MICAL3: variants seen among roughly 807,000 people sequenced by gnomAD.
The protein encoded by MICAL3 is microtubule associated monooxygenase, calponin and LIM domain containing 3.
Under a neutral mutation model 207.4 loss-of-function variants are expected in MICAL3, and 62 were observed. The observed-to-expected ratio is 0.30, with a 90% CI of 0.24 to 0.37. MICAL3 has a LOEUF of 0.37. MICAL3 is among the 10% of genes least tolerant of loss of function. The probability of loss-of-function intolerance (pLI) is 1.00; values close to 1 mark genes in which losing one functional copy is unlikely to be tolerated. For missense variants in MICAL3, 2,368 were observed against 2,635.6 expected (o/e 0.90, Z 2.22); for synonymous variants, 1,077 against 1,069.3 (o/e 1.01, Z -0.14).
intron 29 of MICAL3, among the ~76,000 whole-genome samples, chr22:17,801,584 A>T (rs2061939923): frequency 6.6e-6 from 1 of 152,010 alleles, no homozygotes; most frequent in South Asian, 2.1e-4. Flanking sequence ...CACTCGAGCA[A>T]GGGCGGGTAA....
At chr22:17,862,394 A>G in intron 19 of MICAL3, 1 of 483,460 alleles carries the variant, frequency 2.1e-6, no homozygotes, top group Non-Finnish European at 2.7e-6. Flanking sequence ...AGCTGGGACT[A>G]CAGGCATCCG....
chr22:17,799,875 C>T (rs184227299), intron 29 of MICAL3, among the ~76,000 whole-genome samples: 2 of 152,042 alleles, frequency 1.3e-5, no homozygotes, highest in East Asian at 3.9e-4. Flanking sequence ...AAAAACCAAA[C>T]AAATGCATGT....
chr22:17,797,905 G>C (rs2061894193), intron 29 of MICAL3, among the ~76,000 whole-genome samples: 1 of 152,238 alleles, frequency 6.6e-6, no homozygotes, highest in South Asian at 2.1e-4. Context: ...CCGGGGACCT[G>C]CCTCATCTTG....
At chr22:17,802,376 G>A (rs535565848) in intron 29 of MICAL3, among the ~76,000 whole-genome samples, 4 of 152,170 alleles carry the variant, frequency 2.6e-5, no homozygotes, top group African/African-American at 9.7e-5. Context: ...AATTCACTTA[G>A]AATAGACATA....
At chr22:17,831,074 G>A (rs375660410) in intron 21 of MICAL3, among the ~76,000 whole-genome samples, 14 of 152,324 alleles carry the variant, frequency 9.2e-5, no homozygotes, top group South Asian at 2.1e-4. Context: ...TCCTCTGACC[G>A]CTGCAGGGAG....
chr22:17,820,142 CAAA>C (rs35565268), intron 25 of MICAL3, among the ~76,000 whole-genome samples: 6 of 120,096 alleles, frequency 5.0e-5, no homozygotes, highest in Admixed American at 8.8e-5. Flanking sequence ...GACCCTGTCT[CAAA>C]AAAAAAAAAA....
chr22:17,818,827 G>T lies in MICAL3; in HGVS notation c.3834C>A (p.Ser1278=). ...CCGGGGCAGGCTGGAAGCGTATGGG[G>T]GACTGGGTAGGGGATGGGACAGTGG... ...TEATVPSPTQ[S]PIRFQPAPAK... Residue 1278 remains serine, a synonymous_variant, in exon 26 of 32, where the codon TCC becomes TCA. Transcript: ENST00000441493. 1 of 1,558,974 alleles carries T rather than the reference G, an allele frequency of 6.4e-7. No individual in the cohort carries two copies. The highest frequency in any genetic ancestry group is 1.2e-5 in the South Asian group (1 of 82,046).
At chr22:17,851,319 C>T (rs1446169476) in intron 19 of MICAL3, among the ~76,000 whole-genome samples, 3 of 152,290 alleles carry the variant, frequency 2.0e-5, no homozygotes, top group Non-Finnish European at 2.9e-5. Context: ...CTTCTGCCGT[C>T]GTTACCCGAT....
At chr22:17,801,771 G>A (rs939005151) in intron 29 of MICAL3, among the ~76,000 whole-genome samples, 3 of 152,050 alleles carry the variant, frequency 2.0e-5, no homozygotes, top group Non-Finnish European at 2.9e-5. Flanking sequence ...GTGGGTACCC[G>A]TAATCCCAGC....
At chr22:17,958,766 TGATCTCA>T (rs944723829) in intron 1 of MICAL3, among the ~76,000 whole-genome samples, 3 of 151,338 alleles carry the variant, frequency 2.0e-5, no homozygotes, top group Non-Finnish European at 4.4e-5. Flanking sequence ...TGCAATGGCG[TGATCTCA>T]GCTCACTGCA....
In MICAL3 at chr22:17,884,275, C is replaced by A. The variant is rs762937610; in HGVS notation, c.2241+1603G>T. The A allele has an allele frequency of 6.2e-5, 99 of 1,587,352 alleles. 1 individual carries two copies. Among genetic ancestry groups the A allele is most frequent in the Middle Eastern group, 3.6e-4 (2 of 5,544 alleles). On this transcript the variant is annotated intron_variant, in intron 16 of 31. Coordinates refer to ENST00000441493, the MANE Select transcript of MICAL3 (RefSeq NM_015241.3). ...ATCCTGGCCCTGGCAGTTCCTTTAC[C>A]TGTTTCCACCGGGGGGTGGGGGCAG...
At position 17,887,502 on chromosome 22, in the gene MICAL3, T is replaced by C. The variant is rs2146223197; in HGVS notation, c.1892-67A>G. ...GGCGCCGCAAAATCCTGACCAAAAC[T>C]ACTCTCCCTCGTGGATGGTTCGCAG... On this transcript the variant is annotated intron_variant, in intron 13 of 31. Transcript: ENST00000441493. 3.0e-6 allele frequency: 3 copies of C among 1,009,076 alleles called. No homozygotes were observed. The East Asian group carries it at 7.4e-5, about 25-fold the overall frequency. The allele number at this position is 1,009,076 out of a possible 1,614,324, so 62.5% of individuals were successfully genotyped here.
At position 17,788,549 on chromosome 22, in the gene MICAL3, G is replaced by A. The variant is rs189408893; in HGVS notation, c.*2183C>T. Reference sequence around the variant, plus strand: ...GGAGAGGTCTGGGAAAGGCCACGCAGGCAGTGAAGGTCTTTTCCCACGTCC... The same window carrying A: ...GGAGAGGTCTGGGAAAGGCCACGCAAGCAGTGAAGGTCTTTTCCCACGTCC... On this transcript the variant is annotated 3_prime_UTR_variant, in exon 32 of 32. Transcript: ENST00000441493. The A allele has an allele frequency of 6.6e-6, 1 of 152,394 alleles. No individual in the cohort carries two copies. The highest frequency in any genetic ancestry group is 1.5e-5 in the Non-Finnish European group (1 of 68,046). 9.4% of individuals were successfully genotyped at this position (152,394 alleles called of 1,614,324 possible).
At chr22:17,934,153 A>G (rs567149836) in intron 1 of MICAL3, among the ~76,000 whole-genome samples, 46 of 152,302 alleles carry the variant, frequency 3.0e-4, no homozygotes, top group African/African-American at 1.0e-3. Flanking sequence ...CACAACAACA[A>G]CAAAAAAGAA....
chr22:17,993,445 A>G (rs1422861269), intron 1 of MICAL3, among the ~76,000 whole-genome samples: 1 of 152,098 alleles, frequency 6.6e-6, no homozygotes, highest in Non-Finnish European at 1.5e-5. Flanking sequence ...GGCCCAGCTC[A>G]TTCTCTTAAA....
intron 27 of MICAL3, 75 bp downstream of exon 27, chr22:17,816,615 C>T: frequency 8.1e-7 from 1 of 1,234,410 alleles, no homozygotes; most frequent in Non-Finnish European, 1.2e-6. Flanking sequence ...CTCTCCCTCT[C>T]CTCTACCCCA....
chr22:17,974,504 G>T (rs1935549534), intron 1 of MICAL3, among the ~76,000 whole-genome samples: 1 of 152,100 alleles, frequency 6.6e-6, no homozygotes, highest in South Asian at 2.1e-4. Flanking sequence ...TTGAACCTGG[G>T]AGGTGGAGGT....
chr22:17,887,222 T>C lies in MICAL3; in HGVS notation c.2015A>G (p.Glu672Gly). The C allele has an allele frequency of 6.2e-7, 1 of 1,613,558 alleles. No homozygotes were observed. The highest frequency in any genetic ancestry group is 8.5e-7 in the Non-Finnish European group (1 of 1,179,712). The change falls in exon 15 of 32, where the codon GAA becomes GGA. Residue 672 changes from glutamate to glycine, a missense_variant. Physicochemically the swap from Glu to Gly is moderately conservative, Grantham distance 98. This residue lies in a region of MICAL3 where 1,770 missense variants were observed against 1,863.2 expected (regional missense o/e 0.95). Coordinates refer to ENST00000441493, the MANE Select transcript of MICAL3 (RefSeq NM_015241.3). ...CTTCCCAGCACCATCCAAGTCCTTT[T>C]CCTTTTTATCCTGTACCAAGGGAGG... ...SRKRSPKDKKEKDLDGAGKRR... is the reference protein window; with the variant it reads ...SRKRSPKDKKGKDLDGAGKRR...
chr22:17,843,695 G>A (rs146547385), intron 19 of MICAL3, among the ~76,000 whole-genome samples: 420 of 152,232 alleles, frequency 2.8e-3, no homozygotes, highest in Non-Finnish European at 4.5e-3. Flanking sequence ...CAGGAAACAT[G>A]AGTGAAGCAG....
Sources: gnomAD v4.1 joint callset for allele counts (sites outside exome capture counted in the v4.1 genomes callset) on GRCh38, gnomAD v4.1.1 for gene constraint, gnomAD v4.1.1 regional missense constraint, MANE v1.5 for transcripts, NCBI Gene and HGNC (gene_info 2026-07-23, HGNC 2026-07-21) for gene names.